The following ZBTB2 variants were observed in gnomAD, a reference collection of about 807,000 sequenced individuals.
The protein encoded by ZBTB2 is zinc finger and BTB domain-containing protein 2.
ZBTB2 carries 2 observed loss-of-function variants against 39.5 expected under a neutral mutation model. The ratio of observed to expected loss-of-function variants is 0.05; its 90% confidence interval spans 0.02 to 0.16. ZBTB2 has a LOEUF of 0.16. Among genes scored for constraint, ZBTB2 ranks in the 10% least tolerant of loss-of-function variants. The pLI, the probability that ZBTB2 is intolerant of heterozygous loss-of-function variation, is 1.00. For missense variants in ZBTB2, 391 were observed against 653.0 expected, an observed-to-expected ratio of 0.60 and a Z score of 4.37; for synonymous variants, 251 against 256.6, an observed-to-expected ratio of 0.98 and a Z score of 0.21.
At chr6:151,369,894 G>A (rs1308353453) in intron 2 of ZBTB2, among the ~76,000 whole-genome samples, 1 of 152,002 alleles carries the variant, frequency 6.6e-6, no homozygotes, top group African/African-American at 2.4e-5. Context: ...GGCGACAAGA[G>A]CGAGACTCCA....
intron 1 of ZBTB2, among the ~76,000 whole-genome samples, chr6:151,374,619 C>T (rs1778860342): frequency 6.6e-6 from 1 of 151,952 alleles, no homozygotes; most frequent in African/African-American, 2.4e-5. Flanking sequence ...AATGCCTTCT[C>T]CATAAGATTG....
At chr6:151,390,765 C>A (rs1779278424) in intron 1 of ZBTB2, among the ~76,000 whole-genome samples, 2 of 150,968 alleles carry the variant, frequency 1.3e-5, no homozygotes, top group Non-Finnish European at 3.0e-5. Flanking sequence ...TCCCCTCCCC[C>A]TCCCTCCTCC....
chr6:151,377,460 C>T (rs914358953), intron 1 of ZBTB2, among the ~76,000 whole-genome samples: 1 of 150,140 alleles, frequency 6.7e-6, no homozygotes, highest in African/African-American at 2.5e-5. Context: ...CCTCTGCCTC[C>T]CGGGTTCAAG....
chr6:151,391,173 G>C (rs1779298065), intron 1 of ZBTB2, among the ~76,000 whole-genome samples: 1 of 151,616 alleles, frequency 6.6e-6, no homozygotes, highest in Non-Finnish European at 1.5e-5. Context: ...AGGCGCAGCC[G>C]CCGCCGCCCC....
At chr6:151,374,453 G>A (rs749684723) in intron 1 of ZBTB2, among the ~76,000 whole-genome samples, 17 of 152,116 alleles carry the variant, frequency 1.1e-4, no homozygotes, top group Non-Finnish European at 1.6e-4. Flanking sequence ...GGCAAACCCC[G>A]CTGGCCTGAG....
chr6:151,390,639 G>A (rs1288705644), intron 1 of ZBTB2, among the ~76,000 whole-genome samples: 3 of 150,716 alleles, frequency 2.0e-5, no homozygotes, highest in Non-Finnish European at 4.4e-5. Context: ...GCGCGTGCGC[G>A]CCCCCGCCCG....
intron 1 of ZBTB2, 140 bp from the exon 2 acceptor site, chr6:151,373,789 T>TA (rs2114861523): frequency 4.0e-6 from 2 of 501,764 alleles, no homozygotes; most frequent in South Asian, 4.5e-5. Flanking sequence ...TTACACAGAT[T>TA]AACTCATTTA....
At chr6:151,375,178 C>A (rs1778882114) in intron 1 of ZBTB2, among the ~76,000 whole-genome samples, 1 of 151,782 alleles carries the variant, frequency 6.6e-6, no homozygotes, top group Non-Finnish European at 1.5e-5. Context: ...ACGAGTTTGG[C>A]AAGTCATAAA....
At chr6:151,368,541 A>C (rs571920925) in intron 2 of ZBTB2, among the ~76,000 whole-genome samples, 1 of 150,890 alleles carries the variant, frequency 6.6e-6, no homozygotes, top group East Asian at 2.0e-4. Context: ...TGCACCCTCC[A>C]TCCCCTCGTC....
chr6:151,385,155 G>T (rs566278278), intron 1 of ZBTB2, among the ~76,000 whole-genome samples: 1 of 152,256 alleles, frequency 6.6e-6, no homozygotes, highest in South Asian at 2.1e-4. Context: ...GCCTATAAAT[G>T]GGTTTTCATG....
intron 2 of ZBTB2, among the ~76,000 whole-genome samples, chr6:151,367,297 TTTTAA>T (rs1377252359): frequency 6.6e-6 from 1 of 152,152 alleles, no homozygotes; most frequent in Admixed American, 6.5e-5. Context: ...ATTTTTGTAT[TTTTAA>T]TAGAGACGGG....
chr6:151,390,233 G>C (rs1182296305), intron 1 of ZBTB2, among the ~76,000 whole-genome samples: 1 of 151,248 alleles, frequency 6.6e-6, no homozygotes, highest in Admixed American at 6.6e-5. Flanking sequence ...AGGCCGACGC[G>C]TCCCCCGCCC....
chr6:151,372,950 C>T (rs1778816354), intron 2 of ZBTB2, among the ~76,000 whole-genome samples: 1 of 151,726 alleles, frequency 6.6e-6, no homozygotes, highest in African/African-American at 2.4e-5. Flanking sequence ...GTCAGGAGAT[C>T]GAGACCGTCC....
intron 1 of ZBTB2, among the ~76,000 whole-genome samples, chr6:151,384,744 G>C (rs1224904440): frequency 1.3e-5 from 2 of 152,180 alleles, no homozygotes; most frequent in African/African-American, 4.8e-5. Context: ...GTATATGTTG[G>C]TTACACTGGT....
chr6:151,384,953 T>C (rs184087070), intron 1 of ZBTB2, among the ~76,000 whole-genome samples: 258 of 152,314 alleles, frequency 1.7e-3, no homozygotes, highest in East Asian at 9.4e-3. Flanking sequence ...AAGTTCTTAC[T>C]GATCGCAGTC....
intron 1 of ZBTB2, among the ~76,000 whole-genome samples, chr6:151,380,282 A>G (rs981081969): frequency 1.3e-5 from 2 of 152,212 alleles, no homozygotes; most frequent in Admixed American, 1.3e-4. Flanking sequence ...CCAAAACCAA[A>G]ACCCCTAGAC....
chr6:151,389,030 A>C (rs1355560458), intron 1 of ZBTB2, among the ~76,000 whole-genome samples: 3 of 152,328 alleles, frequency 2.0e-5, no homozygotes, highest in Middle Eastern at 3.4e-3. Flanking sequence ...CAATAACTGG[A>C]CAATTCTTTG....
chr6:151,377,241 A>C (rs115923026), intron 1 of ZBTB2, among the ~76,000 whole-genome samples: 1,912 of 152,232 alleles, frequency 0.013, 38 homozygotes, highest in African/African-American at 0.044. Context: ...CTGCATGTCA[A>C]AATCCCAGCT....
intron 1 of ZBTB2, among the ~76,000 whole-genome samples, chr6:151,388,897 T>C (rs1779222753): frequency 6.6e-6 from 1 of 152,158 alleles, no homozygotes; most frequent in South Asian, 2.1e-4. Context: ...CTGGCAAGTA[T>C]GCACTGGGAC....
Sources: allele counts gnomAD v4.1 joint callset (sites outside exome capture counted in the v4.1 genomes callset), GRCh38; gene constraint gnomAD v4.1.1; transcripts MANE v1.5; gene names NCBI Gene and HGNC (gene_info 2026-07-23, HGNC 2026-07-21).